The following ERV3-1 variants were observed in gnomAD, a reference collection of about 807,000 sequenced individuals.
ERV3-1 encodes the protein endogenous retrovirus group 3 member 1 Env polyprotein.
A neutral mutation model predicts 24.6 loss-of-function variants in ERV3-1; 36 were observed. That is an observed-to-expected ratio of 1.47 (90% CI 1.12 to 1.94). ERV3-1 has a LOEUF of 1.94. Among genes scored for constraint, ERV3-1 ranks in the 30% most tolerant of loss-of-function variants. The pLI is 0.00. For synonymous variants in ERV3-1, 211 were observed against 122.6 expected (o/e 1.72, Z -4.76); for missense variants, 578 against 330.9 (o/e 1.75, Z -5.79).
Position 64,991,701 on chromosome 7 carries a change from A to C in ERV3-1, c.1326T>G (p.Ile442Met), listed in dbSNP as rs1786270360. The change falls in exon 2 of 2, where the codon ATT becomes ATG. Residue 442 changes from isoleucine to methionine, a missense_variant. By Grantham distance (10) the Ile-to-Met change is conservative. Transcript: ENST00000394323. ...KWSGACVLGT[I>M]RPSFFLMPLK... ...GGGGCATTAGGAAGAAGGACGGCCT[A>C]ATTGTCCCCAGTACACAGGCCCCTG... 1 of 753,570 alleles carries C rather than the reference A, an allele frequency of 1.3e-6. No homozygotes were observed. Among genetic ancestry groups the C allele is most frequent in the Non-Finnish European group, 2.4e-6 (1 of 411,816 alleles). The allele number at this position is 753,570 out of a possible 1,614,324, so 46.7% of individuals were successfully genotyped here. A position where few individuals can be genotyped will look rare whatever the true frequency, so the allele number is the denominator to read the frequency against.
intron 1 of ERV3-1, 82 bp downstream of exon 1, chr7:65,006,459 C>A: frequency 6.5e-7 from 1 of 1,541,564 alleles, no homozygotes; most frequent in South Asian, 1.1e-5. Context: ...TGCGGGGAGG[C>A]CAGAGTCCCG....
chr7:65,003,292 G>C (rs980438319), intron 1 of ERV3-1, among the ~76,000 whole-genome samples: 1 of 152,168 alleles, frequency 6.6e-6, no homozygotes, highest in South Asian at 2.1e-4. Context: ...GACCAGACTG[G>C]ATAACATGGT....
chr7:64,992,992 A>G lies in ERV3-1; in HGVS notation c.35T>C (p.Phe12Ser), dbSNP rs763307650. ...TAACATGGATAAGGGGAGTAGCAAG[A>G]ACAAAGTGATGAGTAGCATGTTCAT... ...LGMNMLLITL[F>S]LLLPLSMLKG... Residue 12 changes from phenylalanine (F) to serine (S), a missense_variant, in exon 2 of 2, where the codon TTC becomes TCC. Transcript: ENST00000394323. 3 of 764,828 alleles carry G rather than the reference A, an allele frequency of 3.9e-6. No individual in the cohort carries two copies. Among genetic ancestry groups the G allele is most frequent in the Non-Finnish European group, 7.2e-6 (3 of 416,862 alleles). 47.4% of individuals were successfully genotyped at this position (764,828 alleles called of 1,614,324 possible). A position where few individuals can be genotyped will look rare whatever the true frequency, so the allele number is the denominator to read the frequency against.
At chr7:65,004,868 A>ATTTTTT (rs56371820) in intron 1 of ERV3-1, 59 of 107,674 alleles carry the variant, frequency 5.5e-4, no homozygotes, top group East Asian at 1.4e-3. Context: ...GCCAGGTTTG[A>ATTTTTT]TTTTTTTTTT....
chr7:64,991,369 G>T lies in ERV3-1; in HGVS notation c.1658C>A (p.Ala553Asp), dbSNP rs1338796054. ...MRNVIYQNRL[A>D]LDYLLAQEEG... is the part of the protein sequence containing the mutation. ...TTCCTGGGCTAGGAGGTAGTCTAAGGCCAGTCTATTTTGATAAATGACATT... is the reference window on the plus strand; with the variant it reads ...TTCCTGGGCTAGGAGGTAGTCTAAGTCCAGTCTATTTTGATAAATGACATT... The change falls in exon 2 of 2, where the codon GCC becomes GAC. Residue 553 changes from alanine (A) to aspartate (D), a missense_variant. Physicochemically the swap from Ala to Asp is moderately radical, Grantham distance 126. Transcript: ENST00000394323. The T allele has an allele frequency of 2.8e-6, 2 of 704,148 alleles. No homozygotes were observed. The highest frequency in any genetic ancestry group is 2.0e-5 in the Admixed American group (1 of 50,004). The allele number at this position is 704,148 out of a possible 1,614,324, so 43.6% of individuals were successfully genotyped here. A position where few individuals can be genotyped will look rare whatever the true frequency, so the allele number is the denominator to read the frequency against.
At chr7:64,998,702 A>G (rs1287064961) in intron 1 of ERV3-1, among the ~76,000 whole-genome samples, 2 of 152,132 alleles carry the variant, frequency 1.3e-5, no homozygotes, top group Non-Finnish European at 2.9e-5. Flanking sequence ...GATTTAATGG[A>G]GGGTTCATAT....
At chr7:64,994,800 G>A (rs1562653387) in intron 1 of ERV3-1, among the ~76,000 whole-genome samples, 1 of 152,220 alleles carries the variant, frequency 6.6e-6, no homozygotes, top group Non-Finnish European at 1.5e-5. Flanking sequence ...GAGAACCCTC[G>A]TTAGGGCTGC....
In ERV3-1 at chr7:64,992,475, G is replaced by T. The variant is rs745800489; in HGVS notation, c.552C>A (p.Thr184=). The change falls in exon 2 of 2, where the codon ACC becomes ACA. Residue 184 remains threonine, a synonymous_variant. Transcript: ENST00000394323. ...NQQSLGPIML[T]KIPLEPDCKT... ...TACAATCTGGTTCTAATGGTATTTT[G>T]GTAAGCATAATTGGCCCTAGTGATT... The T allele has an allele frequency of 1.3e-6, 1 of 766,262 alleles. No homozygotes were observed. The highest frequency in any genetic ancestry group is 1.3e-5 in the South Asian group (1 of 74,608). 47.5% of individuals were successfully genotyped at this position (766,262 alleles called of 1,614,324 possible). A position where few individuals can be genotyped will look rare whatever the true frequency, so the allele number is the denominator to read the frequency against.
chr7:65,003,819 C>T (rs889119782), intron 1 of ERV3-1: 1 of 152,168 alleles, frequency 6.6e-6, no homozygotes, highest in Non-Finnish European at 1.5e-5. Context: ...TTAGCATTAA[C>T]ATCACATATC....
chr7:65,004,855 G>A (rs1207378776), intron 1 of ERV3-1: 2 of 146,964 alleles, frequency 1.4e-5, no homozygotes, highest in East Asian at 4.1e-4. Context: ...CCATCTCACT[G>A]GGGCCAGGTT....
chr7:64,995,182 G>A (rs931155785), intron 1 of ERV3-1, among the ~76,000 whole-genome samples: 1 of 152,320 alleles, frequency 6.6e-6, no homozygotes, highest in Admixed American at 6.5e-5. Flanking sequence ...AGTTATAACC[G>A]CATGTGGTAC....
chr7:64,995,714 A>G (rs1045469345), intron 1 of ERV3-1, among the ~76,000 whole-genome samples: 19 of 152,140 alleles, frequency 1.2e-4, no homozygotes, highest in Non-Finnish European at 1.2e-4. Context: ...TAACCTTTTC[A>G]TGGCAAATTT....
At chr7:64,994,903 C>A (rs1309076961) in intron 1 of ERV3-1, among the ~76,000 whole-genome samples, 1 of 152,260 alleles carries the variant, frequency 6.6e-6, no homozygotes, top group Non-Finnish European at 1.5e-5. Context: ...GCCCAGCAGA[C>A]CCCTTCCAGC....
rs538665950 is a variant in ERV3-1 at position 64,991,510 on chromosome 7, C to T, written c.1517G>A (p.Arg506His). 36 of 704,088 alleles carry T rather than the reference C, an allele frequency of 5.1e-5. No individual in the cohort carries two copies. The Middle Eastern group carries it at 6.9e-4, about 13-fold the overall frequency. The allele number at this position is 704,088 out of a possible 1,614,324, so 43.6% of individuals were successfully genotyped here. A position where few individuals can be genotyped will look rare whatever the true frequency, so the allele number is the denominator to read the frequency against. Reference protein sequence around the residue: ...TWAEDGMWGYRTPVYMLNRII... With the variant: ...TWAEDGMWGYHTPVYMLNRII... ...GCGGTTAAGCATGTAAACTGGGGTG[C>T]GGTATCCCCACATTCCATCTTCTGC... The change falls in exon 2 of 2, where the codon CGC (arginine) becomes CAC (histidine). Residue 506 changes from arginine (R) to histidine (H), a missense_variant. Physicochemically the swap from Arg to His is conservative, Grantham distance 29 (BLOSUM62 0). Transcript: ENST00000394323.
chr7:65,005,154 T>G (rs549895314), intron 1 of ERV3-1: 1 of 156,424 alleles, frequency 6.4e-6, no homozygotes, highest in South Asian at 1.8e-4. Flanking sequence ...CTGTCCTGTC[T>G]CCCATTCCCA....
At chr7:64,998,935 C>T (rs900318056) in intron 1 of ERV3-1, among the ~76,000 whole-genome samples, 3 of 152,226 alleles carry the variant, frequency 2.0e-5, no homozygotes, top group African/African-American at 7.2e-5. Flanking sequence ...CTCCCCACTT[C>T]CAGTTTCCTT....
rs752275633 is a variant in ERV3-1 at position 64,991,962 on chromosome 7, G to A, written c.1065C>T (p.Asp355=). The change falls in exon 2 of 2, where the codon GAC becomes GAT. Residue 355 remains aspartate, a synonymous_variant. Coordinates refer to ENST00000394323, the MANE Select transcript of ERV3-1 (RefSeq NM_001007253.4). ...CIARWGKAFT[D]PVGELTCLGQ... is the part of the protein sequence containing the mutation. The stretch of plus-strand genomic sequence containing the variant: ...CTAGGCAAGTTAACTCTCCTACTGG[G>A]TCTGTAAAGGCCTTTCCCCAGCGAG... The A allele has an allele frequency of 1.0e-5, 8 of 766,262 alleles. No homozygotes were observed. The highest frequency in any genetic ancestry group is 1.9e-5 in the Non-Finnish European group (8 of 417,914). The allele number at this position is 766,262 out of a possible 1,614,324, so 47.5% of individuals were successfully genotyped here. A position where few individuals can be genotyped will look rare whatever the true frequency, so the allele number is the denominator to read the frequency against.
At chr7:64,996,093 C>G (rs957342181) in intron 1 of ERV3-1, among the ~76,000 whole-genome samples, 1 of 152,166 alleles carries the variant, frequency 6.6e-6, no homozygotes, top group Non-Finnish European at 1.5e-5. Flanking sequence ...TAGAATAAGT[C>G]CCATTAAAGT....
chr7:64,996,972 A>G (rs575420726), intron 1 of ERV3-1, among the ~76,000 whole-genome samples: 1 of 152,348 alleles, frequency 6.6e-6, no homozygotes, highest in East Asian at 1.9e-4. Context: ...CTTGGGACAC[A>G]ATAGCCCTTG....
Sources: gnomAD v4.1 joint callset for allele counts (sites outside exome capture counted in the v4.1 genomes callset) on GRCh38, gnomAD v4.1.1 for gene constraint, MANE v1.5 for transcripts, NCBI Gene and HGNC (gene_info 2026-07-23, HGNC 2026-07-21) for gene names.